Variants in TNRC6C observed in about 807,000 individuals in gnomAD.
TNRC6C encodes the protein trinucleotide repeat-containing gene 6C protein.
TNRC6C carries 20 observed loss-of-function variants against 153.7 expected under a neutral mutation model. That is an observed-to-expected ratio of 0.13 (90% confidence interval 0.09 to 0.19). The LOEUF (loss-of-function observed/expected upper bound fraction) is 0.19, where lower values mean the gene tolerates loss of function less well. Ranked by LOEUF, TNRC6C falls within the 10% of genes least tolerant of loss-of-function variation. TNRC6C has a pLI of 1.00. For synonymous variants in TNRC6C, 811 were observed against 841.4 expected, an observed-to-expected ratio of 0.96 and a Z score of 0.63; for missense variants, 1,987 against 2,172.0, an observed-to-expected ratio of 0.91 and a Z score of 1.69.
At chr17:77,974,224 C>G (rs1041883108) in intron 1 of TNRC6C, among the ~76,000 whole-genome samples, 2 of 151,784 alleles carry the variant, frequency 1.3e-5, no homozygotes, top group African/African-American at 4.8e-5. Context: ...GACAAAGTAC[C>G]CAATTTTAAA....
intron 1 of TNRC6C, among the ~76,000 whole-genome samples, chr17:77,997,072 C>T (rs1371355749): frequency 7.9e-5 from 12 of 152,156 alleles, no homozygotes; most frequent in Admixed American, 7.9e-4. Context: ...ATACCTGTGT[C>T]AGTGGCTAGA....
intron 12 of TNRC6C, 33 bp from the exon 15 acceptor site, chr17:78,086,820 C>G: frequency 6.2e-7 from 1 of 1,605,332 alleles, no homozygotes; most frequent in Non-Finnish European, 8.5e-7. Flanking sequence ...TCCCTTCCCA[C>G]CTAGTTAACG....
At chr17:78,068,522 A>G (rs1200958059) in intron 5 of TNRC6C, among the ~76,000 whole-genome samples, 1 of 152,208 alleles carries the variant, frequency 6.6e-6, no homozygotes, top group Non-Finnish European at 1.5e-5. Context: ...GGCAGGGCAC[A>G]GTGGCTCACA....
At chr17:77,969,258 A>T (rs1033622317) in intron 1 of TNRC6C, among the ~76,000 whole-genome samples, 4 of 148,210 alleles carry the variant, frequency 2.7e-5, no homozygotes, top group African/African-American at 4.9e-5. Flanking sequence ...TCTTTAATAA[A>T]TTTTTTTTTT....
chr17:77,987,925 C>T (rs900778542), intron 1 of TNRC6C, among the ~76,000 whole-genome samples: 3 of 152,108 alleles, frequency 2.0e-5, no homozygotes, highest in Non-Finnish European at 4.4e-5. Flanking sequence ...AGTTATCCGC[C>T]CGCCTTGGCC....
intron 3 of TNRC6C, among the ~76,000 whole-genome samples, chr17:78,059,879 G>A (rs2072732429): frequency 6.6e-6 from 1 of 151,000 alleles, no homozygotes; most frequent in Non-Finnish European, 1.5e-5. Flanking sequence ...AGAAAATATA[G>A]TGTGCCCCCC....
intron 2 of TNRC6C, among the ~76,000 whole-genome samples, chr17:78,034,269 A>G (rs1371997029): frequency 6.6e-6 from 1 of 151,654 alleles, no homozygotes. Flanking sequence ...GTTGGTCAGG[A>G]TGGTCTCAAA....
At chr17:78,086,256 G>A (rs1030183447) in intron 11 of TNRC6C, among the ~76,000 whole-genome samples, 15 of 148,148 alleles carry the variant, frequency 1.0e-4, no homozygotes, top group East Asian at 2.1e-4. Context: ...CTTGAACCCG[G>A]GAGGCAGAGG....
At chr17:77,984,286 C>T (rs543038263) in intron 1 of TNRC6C, among the ~76,000 whole-genome samples, 4 of 151,468 alleles carry the variant, frequency 2.6e-5, no homozygotes, top group East Asian at 1.9e-4. Flanking sequence ...TTTGGGAAAC[C>T]GAGGCAGGAT....
At chr17:78,035,450 T>C (rs1385318456) in intron 2 of TNRC6C, among the ~76,000 whole-genome samples, 1 of 152,224 alleles carries the variant, frequency 6.6e-6, no homozygotes, top group African/African-American at 2.4e-5. Flanking sequence ...TGTTGAGTAA[T>C]GCAGGTGATA....
chr17:78,050,099 C>T (rs1238903840), exon 3 of TNRC6C: 2 of 1,608,974 alleles, frequency 1.2e-6, no homozygotes, highest in Non-Finnish European at 1.7e-6. Context: ...TGGGGAAAGC[C>T]CCCAAACCAG....
intron 1 of TNRC6C, among the ~76,000 whole-genome samples, chr17:78,028,559 A>G (rs1282900995): frequency 1.3e-5 from 2 of 152,180 alleles, no homozygotes; most frequent in African/African-American, 2.4e-5. Flanking sequence ...CAGTGAGGCA[A>G]AGACCTGGAG....
chr17:78,021,685 T>A (rs539241145), intron 1 of TNRC6C, among the ~76,000 whole-genome samples: 1 of 152,318 alleles, frequency 6.6e-6, no homozygotes, highest in African/African-American at 2.4e-5. Context: ...TTATTCTGCC[T>A]CAGCCTCCCA....
At chr17:78,096,764 C>T (rs1487467199) in intron 16 of TNRC6C, among the ~76,000 whole-genome samples, 1 of 152,218 alleles carries the variant, frequency 6.6e-6, no homozygotes, top group African/African-American at 2.4e-5. Context: ...CTGTGTTCAC[C>T]CCAACTGTCA....
intron 1 of TNRC6C, among the ~76,000 whole-genome samples, chr17:77,997,209 A>G (rs1048602315): frequency 2.0e-5 from 3 of 152,146 alleles, no homozygotes; most frequent in Non-Finnish European, 2.9e-5. Flanking sequence ...TGTTTGAGCC[A>G]TGATAGTGAG....
chr17:78,004,320 T>C, upstream of TNRC6C: 1 of 1,231,638 alleles, frequency 8.1e-7, no homozygotes, highest in East Asian at 3.2e-5. Flanking sequence ...TGTGTCTCAT[T>C]TGCATCATCA....
rs1268383573 is a variant in TNRC6C at position 78,079,326 on chromosome 17, C to T, written c.3211-69C>T. The T allele has an allele frequency of 3.8e-6, 6 of 1,581,264 alleles. No individual in the cohort carries two copies. The highest frequency in any genetic ancestry group is 5.2e-6 in the Non-Finnish European group (6 of 1,156,826). ...TGCATTCACTTGAAATAGATCATTT[C>T]ACCCTACCTCCAAACAATGTTACTC... is the stretch of plus-strand genomic sequence containing the variant. On this transcript the variant is annotated intron_variant, in intron 9 of 19. Coordinates refer to ENST00000301624, the Ensembl canonical transcript of TNRC6C. The surrounding 1 kb of genome is among the most constrained non-coding windows in gnomAD (Gnocchi z 4.3).
At position 78,051,249 on chromosome 17, in the gene TNRC6C, A is replaced by T. The variant is rs368505768; in HGVS notation, c.2187A>T (p.Ser729=). ...AAATGGAAATTGATGATGGTACCTCAGCTTGGGGGGACCCAAGCAACTATA... is the reference window on the plus strand; with the variant it reads ...AAATGGAAATTGATGATGGTACCTCTGCTTGGGGGGACCCAAGCAACTATA... The change falls in exon 3 of 20, where the codon TCA becomes TCT. Residue 729 remains serine (S), a synonymous_variant. Coordinates refer to ENST00000301624, the Ensembl canonical transcript of TNRC6C. The T allele has an allele frequency of 2.7e-5, 42 of 1,557,164 alleles. No individual in the cohort carries two copies. In the African/African-American group the frequency reaches 5.6e-4, roughly 21 times the overall value.
At chr17:77,989,796 G>A (rs538151910) in intron 1 of TNRC6C, among the ~76,000 whole-genome samples, 6 of 152,224 alleles carry the variant, frequency 3.9e-5, no homozygotes, top group East Asian at 3.9e-4. Flanking sequence ...CCCCTTGGGC[G>A]TGATCTTTAT....
Sources: gnomAD v4.1 joint callset for allele counts (sites outside exome capture counted in the v4.1 genomes callset) on GRCh38, gnomAD v4.1.1 for gene constraint, Gnocchi (gnomAD v3.1) non-coding constraint, MANE v1.5 for transcripts, NCBI Gene and HGNC (gene_info 2026-07-23, HGNC 2026-07-21) for gene names.